Variants in DSE observed in about 807,000 individuals in gnomAD.
The protein encoded by DSE is dermatan sulfate epimerase.
DSE carries 36 observed loss-of-function variants against 84.4 expected under a neutral mutation model. The ratio of observed to expected loss-of-function variants is 0.43; its 90% CI spans 0.33 to 0.56. DSE has a LOEUF of 0.56. Ranked by LOEUF, DSE falls within the 20% of genes least tolerant of loss-of-function variation. DSE has a pLI of 0.06. For missense variants in DSE, 862 were observed against 1,169.6 expected, an observed-to-expected ratio of 0.74 and a Z score of 3.84; for synonymous variants, 410 against 430.1, an observed-to-expected ratio of 0.95 and a Z score of 0.58.
At chr6:116,345,323 C>T (rs1777885683) in intron 2 of DSE, among the ~76,000 whole-genome samples, 1 of 152,240 alleles carries the variant, frequency 6.6e-6, no homozygotes, top group Non-Finnish European at 1.5e-5. Flanking sequence ...ACATTCTTCT[C>T]AGCACCGTAT....
intron 2 of DSE, among the ~76,000 whole-genome samples, chr6:116,346,043 C>A (rs944570447): frequency 2.0e-5 from 3 of 152,098 alleles, no homozygotes; most frequent in South Asian, 4.1e-4. Flanking sequence ...TTCCTGGACA[C>A]ATACACCCTC....
intron 1 of DSE, among the ~76,000 whole-genome samples, chr6:116,389,199 T>C (rs948349104): frequency 3.9e-5 from 6 of 152,196 alleles, no homozygotes; most frequent in African/African-American, 1.4e-4. Flanking sequence ...GTATATCAGC[T>C]AATTTAAGCT....
chr6:116,310,630 C>G (rs1775639316), intron 2 of DSE, among the ~76,000 whole-genome samples: 1 of 152,136 alleles, frequency 6.6e-6, no homozygotes, highest in Non-Finnish European at 1.5e-5. Context: ...CTACCAACAA[C>G]TCCTTTTGGC....
chr6:116,298,030 C>A (rs761528457), intron 2 of DSE, among the ~76,000 whole-genome samples: 1 of 152,024 alleles, frequency 6.6e-6, no homozygotes, highest in Non-Finnish European at 1.5e-5. Context: ...GAGTTTAGGC[C>A]CTGGGGTAAG....
intron 2 of DSE, among the ~76,000 whole-genome samples, chr6:116,316,636 A>G (rs1298275355): frequency 6.6e-6 from 1 of 151,980 alleles, no homozygotes; most frequent in African/African-American, 2.4e-5. Flanking sequence ...TACTAGGACA[A>G]TAATGGGACT....
chr6:116,341,955 G>A (rs1562241488), intron 2 of DSE, among the ~76,000 whole-genome samples: 1 of 152,110 alleles, frequency 6.6e-6, no homozygotes, highest in Non-Finnish European at 1.5e-5. Flanking sequence ...TTTTTGCTTA[G>A]GATTGTCTTG....
intron 2 of DSE, among the ~76,000 whole-genome samples, chr6:116,301,623 T>C (rs904354774): frequency 2.0e-5 from 3 of 152,202 alleles, no homozygotes. Flanking sequence ...TGAGTAGTAC[T>C]CTTAGGATAA....
At chr6:116,381,002 C>T (rs1416525616) in intron 1 of DSE, among the ~76,000 whole-genome samples, 1 of 152,094 alleles carries the variant, frequency 6.6e-6, no homozygotes, top group Non-Finnish European at 1.5e-5. Context: ...CTTTGTCATT[C>T]TTATGCAAAC....
intron 1 of DSE, among the ~76,000 whole-genome samples, chr6:116,382,037 CTGTGTGTGTGTG>C (rs58610779): frequency 2.8e-5 from 4 of 144,768 alleles, no homozygotes; most frequent in African/African-American, 5.1e-5. Context: ...ACATGGCATT[CTGTGTGTGTGTG>C]TGTGTGTGTG....
intron 1 of DSE, among the ~76,000 whole-genome samples, chr6:116,372,112 T>C (rs945248823): frequency 1.3e-5 from 2 of 152,218 alleles, no homozygotes; most frequent in Admixed American, 6.5e-5. Flanking sequence ...ATCTCACTTA[T>C]ACATATTTTT....
intron 2 of DSE, among the ~76,000 whole-genome samples, chr6:116,296,179 A>G (rs1259714135): frequency 7.9e-5 from 12 of 152,222 alleles, no homozygotes; most frequent in Non-Finnish European, 1.5e-5. Flanking sequence ...GTATTTGTGT[A>G]TAACCTACAC....
chr6:116,306,307 C>CTT (rs978473146), intron 2 of DSE, among the ~76,000 whole-genome samples: 3 of 152,148 alleles, frequency 2.0e-5, no homozygotes, highest in African/African-American at 7.2e-5. Flanking sequence ...AAACAACAGA[C>CTT]TTTATTATAA....
At chr6:116,276,104 A>G (rs1450473292) in intron 2 of DSE, among the ~76,000 whole-genome samples, 1 of 152,228 alleles carries the variant, frequency 6.6e-6, no homozygotes, top group African/African-American at 2.4e-5. Flanking sequence ...AAGTACACTA[A>G]GTGCATAAAG....
chr6:116,356,245 C>T (rs1778562722), intron 2 of DSE, among the ~76,000 whole-genome samples: 2 of 152,298 alleles, frequency 1.3e-5, no homozygotes, highest in Middle Eastern at 6.8e-3. Flanking sequence ...GGAACTATGG[C>T]TCAGAGCATC....
chr6:116,258,417 A>G (rs2114589791), intron 1 of DSE: 1 of 712,816 alleles, frequency 1.4e-6, no homozygotes, highest in Non-Finnish European at 2.6e-6. Context: ...ATAATAACTT[A>G]GTTGTAATTT....
chr6:116,293,077 A>G lies in DSE; in HGVS notation c.-54+34110A>G, dbSNP rs903862368. On this transcript the variant is annotated intron_variant, in intron 2 of 3. Transcript: ENST00000430252. ...GATTTAAAATATTTTTCAGACAAAC[A>G]TTAAAGAAAACCCTCTCATACAATG... Among the ~76,000 whole-genome samples the G allele has an allele frequency of 1.1e-4, 16 of 152,154 alleles. No homozygotes were observed. The East Asian group carries it at 2.9e-3, about 27-fold the overall frequency.
intron 1 of DSE, among the ~76,000 whole-genome samples, chr6:116,386,871 A>G (rs1486524048): frequency 6.6e-6 from 1 of 152,168 alleles, no homozygotes; most frequent in Non-Finnish European, 1.5e-5. Flanking sequence ...TTCCCATTTA[A>G]CATAGTAGAT....
In DSE at chr6:116,278,202, A is replaced by C. The variant is rs145310103; in HGVS notation, c.-54+19235A>C. ...CAACCAGTTCAGAGGCCCTGGGAAT[A>C]AACAGGGTCCAAGCAGTGCAGATAA... On this transcript the variant is annotated intron_variant, in intron 2 of 3. Transcript: ENST00000430252. The C allele has an allele frequency of 1.3e-3, 466 of 348,860 alleles. 6 individuals carry two copies. Among genetic ancestry groups the C allele is most frequent in the Middle Eastern group, 3.9e-3 (4 of 1,038 alleles). The allele number at this position is 348,860 out of a possible 1,614,324, so 21.6% of individuals were successfully genotyped here. A position where few individuals can be genotyped will look rare whatever the true frequency, so the allele number is the denominator to read the frequency against.
At chr6:116,320,960 G>A (rs1776270341) in intron 2 of DSE, among the ~76,000 whole-genome samples, 1 of 152,142 alleles carries the variant, frequency 6.6e-6, no homozygotes, top group Non-Finnish European at 1.5e-5. Flanking sequence ...AGTGTACTAA[G>A]GCGATGGAGA....
Sources: allele counts gnomAD v4.1 joint callset (sites outside exome capture counted in the v4.1 genomes callset), GRCh38; gene constraint gnomAD v4.1.1; transcripts MANE v1.5; gene names NCBI Gene and HGNC (gene_info 2026-07-23, HGNC 2026-07-21).